PARD3B: variants seen among roughly 807,000 people sequenced by gnomAD.
PARD3B encodes the protein partitioning defective 3 homolog B.
In PARD3B, 103 loss-of-function variants were observed where a neutral mutation model predicts 130.2. The ratio of observed to expected loss-of-function variants is 0.79; its 90% CI spans 0.67 to 0.93. The LOEUF is 0.93. PARD3B is among the 40% of genes least tolerant of loss of function. PARD3B has a pLI of 0.00. For missense variants in PARD3B, 1,609 were observed against 1,499.2 expected (o/e 1.07, Z -1.21); for synonymous variants, 583 against 553.2 (o/e 1.05, Z -0.76).
intron 10 of PARD3B, among the ~76,000 whole-genome samples, chr2:205,156,425 TA>T (rs1380012732): frequency 2.0e-5 from 3 of 149,868 alleles, no homozygotes; most frequent in Admixed American, 1.3e-4. Context: ...TAATAAAATT[TA>T]AAAAAAAAGA....
chr2:204,879,007 C>A (rs1165191850), intron 2 of PARD3B, among the ~76,000 whole-genome samples: 5 of 151,992 alleles, frequency 3.3e-5, no homozygotes, highest in Admixed American at 1.3e-4. Context: ...CTGTAGATGC[C>A]CTTAGCTATT....
intron 5 of PARD3B, among the ~76,000 whole-genome samples, chr2:205,109,527 A>G (rs1447981495): frequency 1.3e-5 from 2 of 152,200 alleles, no homozygotes; most frequent in Non-Finnish European, 2.9e-5. Context: ...TCTAACAATC[A>G]TACTAATAGC....
At chr2:205,192,285 A>C (rs1471231471) in intron 14 of PARD3B, among the ~76,000 whole-genome samples, 3 of 152,188 alleles carry the variant, frequency 2.0e-5, no homozygotes, top group South Asian at 4.1e-4. Flanking sequence ...CAACTGTTTG[A>C]AAAACCCAAC....
chr2:205,061,348 G>C (rs952562927), intron 4 of PARD3B, among the ~76,000 whole-genome samples: 2 of 152,130 alleles, frequency 1.3e-5, no homozygotes, highest in Non-Finnish European at 2.9e-5. Flanking sequence ...AAACATGACT[G>C]CTTGGTTCAA....
intron 16 of PARD3B, among the ~76,000 whole-genome samples, chr2:205,273,034 T>A (rs1559609653): frequency 6.6e-6 from 1 of 152,132 alleles, no homozygotes; most frequent in Non-Finnish European, 1.5e-5. Context: ...TCCCCTAAAT[T>A]TAACTTAAAA....
chr2:205,149,653 C>T (rs1378441180), intron 10 of PARD3B, among the ~76,000 whole-genome samples: 1 of 152,162 alleles, frequency 6.6e-6, no homozygotes, highest in Non-Finnish European at 1.5e-5. Flanking sequence ...TATCTGGCAT[C>T]CCTCACAGTA....
intron 10 of PARD3B, among the ~76,000 whole-genome samples, chr2:205,129,885 T>C (rs552441944): frequency 6.6e-6 from 1 of 152,298 alleles, no homozygotes; most frequent in South Asian, 2.1e-4. Context: ...TGGTCATTTC[T>C]CCTGACCTGC....
intron 19 of PARD3B, among the ~76,000 whole-genome samples, chr2:205,426,444 TTA>T (rs1233836957): frequency 2.6e-5 from 4 of 152,212 alleles, no homozygotes; most frequent in Non-Finnish European, 5.9e-5. Context: ...GCCAGACAAA[TTA>T]TCTCTGCTGT....
Position 205,288,560 on chromosome 2 carries a change from A to G in PARD3B, c.2186-11970A>G, listed in dbSNP as rs566976119. On this transcript the variant is annotated intron_variant, in intron 16 of 22. Transcript: ENST00000406610. This position sits in a 1 kb window ranked among gnomAD's most constrained non-coding sequence, Gnocchi z 4.0. ...ACTTCATGGCTTTCTATTGTCCCCT[A>G]ATTTGGGCCTTGCCTTCTTAGCCAG... is the stretch of plus-strand genomic sequence containing the variant. Among the ~76,000 whole-genome samples the G allele has an allele frequency of 1.3e-4, 20 of 152,220 alleles. No homozygotes were observed. The highest frequency in any genetic ancestry group is 4.8e-4 in the African/African-American group (20 of 41,542).
chr2:204,546,314 G>A, intron 1 of PARD3B, 195 bp downstream of exon 1: 1 of 768,756 alleles, frequency 1.3e-6, no homozygotes, highest in Non-Finnish European at 2.0e-6. Context: ...TCCGAGGGTC[G>A]TGAGTGGACC....
In PARD3B at chr2:205,128,932, A is replaced by C. The variant is rs1295533625; in HGVS notation, c.1434+3195A>C. Reference sequence around the variant, plus strand: ...GTGTTATTTCACTCTCATTTAATGGAATTTAGTGAAATTTGATTTCTATCC... The same window carrying C: ...GTGTTATTTCACTCTCATTTAATGGCATTTAGTGAAATTTGATTTCTATCC... On this transcript the variant is annotated intron_variant, in intron 10 of 22. Transcript: ENST00000406610. The surrounding 1 kb of genome is among the most constrained non-coding windows in gnomAD (Gnocchi z 4.5). Among the ~76,000 whole-genome samples the C allele has an allele frequency of 6.6e-6, 1 of 152,192 alleles. No homozygotes were observed. The highest frequency in any genetic ancestry group is 6.5e-5 in the Admixed American group (1 of 15,278).
At chr2:204,939,283 G>T (rs1688709298) in intron 2 of PARD3B, among the ~76,000 whole-genome samples, 1 of 152,102 alleles carries the variant, frequency 6.6e-6, no homozygotes, top group Non-Finnish European at 1.5e-5. Context: ...ATTTTTTAAA[G>T]ACTGTTTTTA....
At chr2:205,583,645 T>C (rs967008706) in intron 22 of PARD3B, among the ~76,000 whole-genome samples, 2 of 152,232 alleles carry the variant, frequency 1.3e-5, no homozygotes, top group African/African-American at 4.8e-5. Context: ...GAAGAGTTTC[T>C]TACCAAATTT....
intron 2 of PARD3B, among the ~76,000 whole-genome samples, chr2:204,864,168 C>G (rs2045320727): frequency 6.6e-6 from 1 of 152,138 alleles, no homozygotes; most frequent in Non-Finnish European, 1.5e-5. Flanking sequence ...AGCACGACAG[C>G]ATACTCCTAA....
intron 18 of PARD3B, among the ~76,000 whole-genome samples, chr2:205,365,388 A>AG (rs2044566840): frequency 6.7e-6 from 1 of 150,356 alleles, no homozygotes; most frequent in African/African-American, 2.4e-5. Context: ...CTCAGAAAAA[A>AG]AAAAAGAAAG....
intron 18 of PARD3B, among the ~76,000 whole-genome samples, chr2:205,399,662 C>CT (rs1559056374): frequency 6.6e-6 from 1 of 152,050 alleles, no homozygotes; most frequent in Non-Finnish European, 1.5e-5. Flanking sequence ...GCTGCATCTT[C>CT]TTTTTTTATT....
intron 2 of PARD3B, among the ~76,000 whole-genome samples, chr2:204,802,931 T>G (rs2042623676): frequency 7.9e-5 from 12 of 151,710 alleles, no homozygotes; most frequent in Admixed American, 7.9e-4. Context: ...TGGCACGTTT[T>G]TACCTATGTA....
chr2:204,655,049 G>T (rs947701860), intron 1 of PARD3B, among the ~76,000 whole-genome samples: 1 of 152,230 alleles, frequency 6.6e-6, no homozygotes, highest in South Asian at 2.1e-4. Context: ...TTAAGTCTTG[G>T]TTGCACACAC....
chr2:205,325,770 A>T lies in PARD3B; in HGVS notation c.2630+24069A>T, dbSNP rs764395448. 1.3e-5 allele frequency among the ~76,000 whole-genome samples: 2 copies of T among 152,202 alleles called. No homozygotes were observed. The highest frequency in any genetic ancestry group is 2.9e-5 in the Non-Finnish European group (2 of 68,038). On this transcript the variant is annotated intron_variant, in intron 18 of 22. Coordinates refer to ENST00000406610, the MANE Select transcript of PARD3B (RefSeq NM_001302769.2). This position sits in a 1 kb window ranked among gnomAD's most constrained non-coding sequence, Gnocchi z 4.1. Reference sequence around the variant, plus strand: ...ATTTTACTGGTGTCACTTTGGAGGTAACTGGCTTCAGATAAGGTTATTGAA... The same window carrying T: ...ATTTTACTGGTGTCACTTTGGAGGTTACTGGCTTCAGATAAGGTTATTGAA...
Sources: gnomAD v4.1 joint callset for allele counts (sites outside exome capture counted in the v4.1 genomes callset) on GRCh38, gnomAD v4.1.1 for gene constraint, Gnocchi (gnomAD v3.1) non-coding constraint, MANE v1.5 for transcripts, NCBI Gene and HGNC (gene_info 2026-07-23, HGNC 2026-07-21) for gene names.